Variants in RP1L1 observed in about 807,000 individuals in gnomAD.
RP1L1 encodes the protein RP1 like 1.
In RP1L1, 27 loss-of-function variants were observed where a neutral mutation model predicts 15.7. The ratio of observed to expected loss-of-function variants is 1.72; its 90% CI spans 1.27 to 2.38. RP1L1 has a LOEUF of 2.38. Among genes scored for constraint, RP1L1 ranks in the 30% most tolerant of loss-of-function variants. The probability of loss-of-function intolerance (pLI) is 0.00; values close to 1 mark genes in which losing one functional copy is unlikely to be tolerated. For missense variants in RP1L1, 4,798 were observed against 3,075.9 expected, an observed-to-expected ratio of 1.56 and a Z score of -13.24; for synonymous variants, 1,813 against 1,276.7, an observed-to-expected ratio of 1.42 and a Z score of -8.96.
chr8:10,614,028 C>T (rs1585971484), intron 3 of RP1L1, among the ~76,000 whole-genome samples: 1 of 152,160 alleles, frequency 6.6e-6, no homozygotes, highest in African/African-American at 2.4e-5. Flanking sequence ...GCATATAAAA[C>T]TTCCTTTATA....
At chr8:10,650,225 T>C (rs1405041261) in intron 1 of RP1L1, among the ~76,000 whole-genome samples, 2 of 151,954 alleles carry the variant, frequency 1.3e-5, no homozygotes, top group African/African-American at 4.8e-5. Context: ...AGCCAGTGAG[T>C]TAATCAACCC....
rs373510217 is a variant in RP1L1, at chr8:10,611,032, T to G, written c.3066A>C (p.Pro1022=). 2 of 1,612,784 alleles carry G rather than the reference T, an allele frequency of 1.2e-6. No homozygotes were observed. The highest frequency in any genetic ancestry group is 2.2e-5 in the South Asian group (2 of 91,084). The change falls in exon 4 of 4, where the codon CCA becomes CCC. Residue 1022 remains proline (P), a synonymous_variant. Transcript: ENST00000382483. ...QSLEGDPGQD[P]EPEGALLGSS... is the part of the protein sequence containing the mutation. Reference sequence around the variant, plus strand: ...TCCCCAGGAGGGCTCCCTCTGGCTCTGGGTCCTGGCCGGGGTCCCCTTCCA... The same window carrying G: ...TCCCCAGGAGGGCTCCCTCTGGCTCGGGGTCCTGGCCGGGGTCCCCTTCCA...
rs1797886941 is a variant in RP1L1 at position 10,612,633 on chromosome 8, T to C, written c.1465A>G (p.Ile489Val). The C allele has an allele frequency of 6.2e-7, 1 of 1,602,492 alleles. No individual in the cohort carries two copies. The highest frequency in any genetic ancestry group is 8.5e-7 in the Non-Finnish European group (1 of 1,179,350). ...GVDSASPSAQ[I>V]GAERKAGGSL... Reference sequence around the variant, plus strand: ...CCTCCAGCTTTCCGCTCAGCCCCTATCTGGGCAGAGGGGCTGGCACTGTCC... The same window carrying C: ...CCTCCAGCTTTCCGCTCAGCCCCTACCTGGGCAGAGGGGCTGGCACTGTCC... Residue 489 changes from isoleucine (I) to valine (V), a missense_variant, in exon 4 of 4, where the codon ATA becomes GTA. Transcript: ENST00000382483.
intron 1 of RP1L1, among the ~76,000 whole-genome samples, chr8:10,648,493 G>A (rs1441625728): frequency 6.6e-6 from 1 of 152,112 alleles, no homozygotes; most frequent in Non-Finnish European, 1.5e-5. Flanking sequence ...GAGACCCACA[G>A]CTCTGAAACC....
At chr8:10,645,598 G>C (rs941188870) in intron 1 of RP1L1, among the ~76,000 whole-genome samples, 1 of 152,044 alleles carries the variant, frequency 6.6e-6, no homozygotes, top group Admixed American at 6.5e-5. Flanking sequence ...CAGGTAACTC[G>C]GAAGCACAGC....
At position 10,611,476 on chromosome 8, in the gene RP1L1, G is replaced by A. The variant is rs1464467327; in HGVS notation, c.2622C>T (p.Gly874=). The change falls in exon 4 of 4, where the codon GGC becomes GGT. Residue 874 remains glycine, a synonymous_variant. Coordinates refer to ENST00000382483, the MANE Select transcript of RP1L1 (RefSeq NM_178857.6). ...CCCGGGCAGTGCTTTGGTGGCTGCT[G>A]CCGGTGCTCCCACAGCTGGAAGAGC... The part of the protein sequence containing the change: ...QRRSSSCGST[G]SSHQSTARGP... The A allele has an allele frequency of 2.5e-6, 4 of 1,570,366 alleles. No individual in the cohort carries two copies. Among genetic ancestry groups the A allele is most frequent in the East Asian group, 4.6e-5 (2 of 43,142 alleles).
In RP1L1 at chr8:10,621,496, T is replaced by C. The variant is rs568318784; in HGVS notation, c.609+1097A>G. ...GTGCGCCAACACACCTGGCTAATTTTTGTATTTTTAGTAGATATAGGGTTT... is the reference window on the plus strand; with the variant it reads ...GTGCGCCAACACACCTGGCTAATTTCTGTATTTTTAGTAGATATAGGGTTT... On this transcript the variant is annotated intron_variant, in intron 2 of 3. Coordinates refer to ENST00000382483, the MANE Select transcript of RP1L1 (RefSeq NM_178857.6). 156 of 319,388 alleles carry C rather than the reference T, an allele frequency of 4.9e-4. 1 individual carries two copies. The highest frequency in any genetic ancestry group is 3.8e-3 in the South Asian group (154 of 40,596). The allele number at this position is 319,388 out of a possible 1,614,324, so 19.8% of individuals were successfully genotyped here.
Position 10,606,857 on chromosome 8 carries a change from G to C in RP1L1, c.*38C>G, listed in dbSNP as rs374533327. On this transcript the variant is annotated 3_prime_UTR_variant, in exon 4 of 4. Transcript: ENST00000382483. Reference sequence around the variant, plus strand: ...TAGAAAAAATATGAATAAAAACAGAGCTCCCAAGCTCGTGATTGTTTTCTA... The same window carrying C: ...TAGAAAAAATATGAATAAAAACAGACCTCCCAAGCTCGTGATTGTTTTCTA... 49 of 1,613,044 alleles carry C rather than the reference G, an allele frequency of 3.0e-5. 1 individual carries two copies. The African/African-American group carries it at 5.5e-4, about 18-fold the overall frequency.
chr8:10,650,897 G>A (rs1305061197), intron 1 of RP1L1, among the ~76,000 whole-genome samples: 4 of 152,184 alleles, frequency 2.6e-5, no homozygotes, highest in Admixed American at 2.6e-4. Flanking sequence ...TTCGCAAAGT[G>A]TTTTTATGTA....
chr8:10,607,318 G>T lies in RP1L1; in HGVS notation c.6780C>A (p.Gly2260=), dbSNP rs539746994. 1.7e-5 allele frequency: 27 copies of T among 1,614,084 alleles called. No homozygotes were observed. The highest frequency in any genetic ancestry group is 2.3e-5 in the Non-Finnish European group (27 of 1,180,036). Residue 2260 remains glycine (G), a synonymous_variant, in exon 4 of 4, where the codon GGC becomes GGA. Coordinates refer to ENST00000382483, the MANE Select transcript of RP1L1 (RefSeq NM_178857.6). ...TGCTTTCAGAAGCCTCCTCAGATTGGCCATCTCCTAGACTGACCTGAGGGC... is the reference window on the plus strand; with the variant it reads ...TGCTTTCAGAAGCCTCCTCAGATTGTCCATCTCCTAGACTGACCTGAGGGC... ...KGSPQVSLGD[G]QSEEASESSS...
rs1211558505 is a variant in RP1L1 at position 10,610,432 on chromosome 8, G to C, written c.3666C>G (p.Thr1222=). The part of the protein sequence containing the change: ...ESSVPCAMDG[T]LVTQGTELPL... ...GCAGCTCTGTCCCCTGTGTCACCAG[G>C]GTGCCGTCCATGGCACAGGGTACGC... The change falls in exon 4 of 4, where the codon ACC becomes ACG. Residue 1222 remains threonine, a synonymous_variant. Coordinates refer to ENST00000382483, the MANE Select transcript of RP1L1 (RefSeq NM_178857.6). 4 of 1,613,716 alleles carry C rather than the reference G, an allele frequency of 2.5e-6. No homozygotes were observed. The African/African-American group carries it at 5.3e-5, about 22-fold the overall frequency.
intron 1 of RP1L1, among the ~76,000 whole-genome samples, chr8:10,650,874 T>A (rs1470476014): frequency 6.6e-6 from 1 of 152,228 alleles, no homozygotes; most frequent in South Asian, 2.1e-4. Context: ...GCTGACTCTG[T>A]AGTTCTTTAC....
chr8:10,648,344 T>G (rs1223141556), intron 1 of RP1L1, among the ~76,000 whole-genome samples: 1 of 151,986 alleles, frequency 6.6e-6, no homozygotes, highest in African/African-American at 2.4e-5. Context: ...TTTTCTGGGT[T>G]TTTTTGTTTG....
Position 10,609,859 on chromosome 8 carries a change from G to T in RP1L1, c.4239C>A (p.Ala1413=). 2 of 1,613,662 alleles carry T rather than the reference G, an allele frequency of 1.2e-6. No individual in the cohort carries two copies. Among genetic ancestry groups the T allele is most frequent in the Non-Finnish European group, 1.7e-6 (2 of 1,179,794 alleles). The change falls in exon 4 of 4, where the codon GCC becomes GCA. Residue 1413 remains alanine (A), a synonymous_variant. Transcript: ENST00000382483. ...GGGAGCCTTTCCCATCCGGAGAGCT[G>T]GCCTCTGACAATTCCTGCCCGTGGA... The part of the protein sequence containing the change: ...GSVHGQELSE[A]SSPDGKGSQE...
chr8:10,634,398 A>G (rs1393438526), intron 1 of RP1L1, among the ~76,000 whole-genome samples: 1 of 152,136 alleles, frequency 6.6e-6, no homozygotes, highest in African/African-American at 2.4e-5. Context: ...CATGGTCATC[A>G]TCAGCATCTG....
Position 10,611,792 on chromosome 8 carries a change from C to T in RP1L1, c.2306G>A (p.Arg769Lys), listed in dbSNP as rs1797862407. ...SAGWAGDAGSRTCSPAPIPPH... is the reference protein window; with the variant it reads ...SAGWAGDAGSKTCSPAPIPPH... ...AGGTATGGGGGCCGGCGAGCATGTC[C>T]TGGACCCCGCGTCCCCTGCCCACCC... is the stretch of plus-strand genomic sequence containing the variant. Residue 769 changes from arginine to lysine, a missense_variant, in exon 4 of 4, where the codon AGG (arginine) becomes AAG (lysine). Physicochemically the swap from Arg to Lys is conservative, Grantham distance 26. Transcript: ENST00000382483. The T allele has an allele frequency of 6.2e-7, 1 of 1,613,654 alleles. No individual in the cohort carries two copies. Among genetic ancestry groups the T allele is most frequent in the African/African-American group, 1.3e-5 (1 of 75,072 alleles).
At position 10,623,126 on chromosome 8, in the gene RP1L1, A is replaced by AG. The variant is rs1798098031; in HGVS notation, c.75dup (p.Ser26LeufsTer34). 1 of 1,609,752 alleles carries AG rather than the reference A, an allele frequency of 6.2e-7. No homozygotes were observed. The highest frequency in any genetic ancestry group is 8.5e-7 in the Non-Finnish European group (1 of 1,178,006). Reference sequence around the variant, plus strand: ...TTGGCTGGCGTGACCTTGGTGACCGAGGGGGTGCGAGCCACAGAGGGCAGG... The same window carrying AG: ...TTGGCTGGCGTGACCTTGGTGACCGAGGGGGGTGCGAGCCACAGAGGGCAGG... On this transcript the variant is annotated frameshift_variant, in exon 2 of 4. Coordinates refer to ENST00000382483, the MANE Select transcript of RP1L1 (RefSeq NM_178857.6). LOFTEE classifies it high-confidence loss of function.
In RP1L1 at chr8:10,609,841, T is replaced by C; in HGVS notation, c.4257A>G (p.Lys1419=). 1 of 1,614,084 alleles carries C rather than the reference T, an allele frequency of 6.2e-7. No homozygotes were observed. The highest frequency in any genetic ancestry group is 1.1e-5 in the South Asian group (1 of 91,064). ...GGACTGGGTCATCTTCCTGGGAGCC[T>C]TTCCCATCCGGAGAGCTGGCCTCTG... is the stretch of plus-strand genomic sequence containing the variant. ...ELSEASSPDG[K]GSQEDDPVQE... is the part of the protein sequence containing the mutation. Residue 1419 remains lysine, a synonymous_variant, in exon 4 of 4, where the codon AAA becomes AAG. Coordinates refer to ENST00000382483, the MANE Select transcript of RP1L1 (RefSeq NM_178857.6).
At position 10,606,856 on chromosome 8, in the gene RP1L1, A is replaced by G; in HGVS notation, c.*39T>C. ...GTAGAAAAAATATGAATAAAAACAG[A>G]GCTCCCAAGCTCGTGATTGTTTTCT... On this transcript the variant is annotated 3_prime_UTR_variant, in exon 4 of 4. Coordinates refer to ENST00000382483, the MANE Select transcript of RP1L1 (RefSeq NM_178857.6). 1 of 1,612,944 alleles carries G rather than the reference A, an allele frequency of 6.2e-7. No homozygotes were observed. Among genetic ancestry groups the G allele is most frequent in the Non-Finnish European group, 8.5e-7 (1 of 1,179,994 alleles).
Sources: gnomAD v4.1 joint callset for allele counts (sites outside exome capture counted in the v4.1 genomes callset) on GRCh38, gnomAD v4.1.1 for gene constraint, MANE v1.5 for transcripts, NCBI Gene and HGNC (gene_info 2026-07-23, HGNC 2026-07-21) for gene names.